Variants in THADA observed in about 807,000 individuals in gnomAD.
THADA encodes tRNA (32-2'-O)-methyltransferase regulator THADA.
THADA carries 213 observed loss-of-function variants against 219.8 expected under a neutral mutation model. The ratio of observed to expected loss-of-function variants is 0.97; its 90% confidence interval spans 0.87 to 1.09. The LOEUF (loss-of-function observed/expected upper bound fraction) is 1.09, where lower values mean the gene tolerates loss of function less well. Among genes scored for constraint, THADA ranks in the 50% least tolerant of loss-of-function variants. The probability of loss-of-function intolerance (pLI) is 0.00; values close to 1 mark genes in which losing one functional copy is unlikely to be tolerated. For synonymous variants in THADA, 1,018 were observed against 828.9 expected (o/e 1.23, Z -3.92); for missense variants, 2,956 against 2,311.3 (o/e 1.28, Z -5.72).
At chr2:43,302,291 C>T (rs1301316064) in intron 31 of THADA, among the ~76,000 whole-genome samples, 1 of 152,052 alleles carries the variant, frequency 6.6e-6, no homozygotes, top group Non-Finnish European at 1.5e-5. Context: ...TCGTACTTTT[C>T]CTAAGTTAGA....
chr2:43,278,240 C>T (rs1558506598), intron 36 of THADA, among the ~76,000 whole-genome samples: 1 of 152,152 alleles, frequency 6.6e-6, no homozygotes, highest in Admixed American at 6.6e-5. Context: ...CGTGAGATTA[C>T]TGCGCCTGGC....
At chr2:43,258,236 T>C (rs1045379610) in intron 36 of THADA, among the ~76,000 whole-genome samples, 2 of 152,200 alleles carry the variant, frequency 1.3e-5, no homozygotes, top group Non-Finnish European at 2.9e-5. Context: ...AAAATATTAT[T>C]TGTTGGCCAG....
intron 29 of THADA, among the ~76,000 whole-genome samples, chr2:43,354,690 A>T (rs1393126354): frequency 6.6e-6 from 1 of 152,140 alleles, no homozygotes; most frequent in East Asian, 1.9e-4. Flanking sequence ...TCAGGATCTC[A>T]TTCTTTTTTA....
intron 31 of THADA, among the ~76,000 whole-genome samples, chr2:43,311,177 A>G (rs75537641): frequency 3.4e-5 from 5 of 145,910 alleles, no homozygotes; most frequent in African/African-American, 1.2e-4. Context: ...ACTCCGTCTC[A>G]AAAAAAAAAA....
intron 28 of THADA, among the ~76,000 whole-genome samples, chr2:43,414,998 A>G (rs1266846705): frequency 6.6e-6 from 1 of 152,204 alleles, no homozygotes; most frequent in Non-Finnish European, 1.5e-5. Context: ...ATGAGAGCAA[A>G]TTCTAATGGG....
chr2:43,310,235 C>G (rs111851482), intron 31 of THADA, among the ~76,000 whole-genome samples: 10 of 126,564 alleles, frequency 7.9e-5, no homozygotes, highest in African/African-American at 2.0e-4. Flanking sequence ...CGCCCCCCCC[C>G]CAAACAAGCT....
At chr2:43,510,023 C>A (rs1196236733) in intron 22 of THADA, among the ~76,000 whole-genome samples, 1 of 152,118 alleles carries the variant, frequency 6.6e-6, no homozygotes, top group Non-Finnish European at 1.5e-5. Context: ...AGTGTGTGAA[C>A]CTTGCTTAGA....
chr2:43,552,311 C>G lies in THADA; in HGVS notation c.2703G>C (p.Glu901Asp). The G allele has an allele frequency of 6.3e-7, 1 of 1,599,242 alleles. No individual in the cohort carries two copies. The highest frequency in any genetic ancestry group is 8.5e-7 in the Non-Finnish European group (1 of 1,176,016). The part of the protein sequence containing the change: ...MVIKCLMENL[E>D]EEVSQAENSL... ...AATTTTCAGCCTGAGATACTTCTTC[C>G]TCAAGATTTTCCATCAAGCATTTGA... Residue 901 changes from glutamate (E) to aspartate (D), a missense_variant, in exon 18 of 38, where the codon GAG (glutamate) becomes GAC (aspartate). Physicochemically the swap from Glu to Asp is conservative, Grantham distance 45. Coordinates refer to ENST00000405975, the MANE Select transcript of THADA (RefSeq NM_022065.5).
At chr2:43,578,417 G>C (rs1700080204) in intron 9 of THADA, 96 bp downstream of exon 9, 2 of 856,124 alleles carry the variant, frequency 2.3e-6, no homozygotes, top group East Asian at 2.8e-5. Flanking sequence ...AAAGTGTTGG[G>C]ATTATAAGTG....
chr2:43,432,772 G>A (rs779080344), intron 26 of THADA, among the ~76,000 whole-genome samples: 2 of 152,038 alleles, frequency 1.3e-5, no homozygotes, highest in African/African-American at 4.8e-5. Flanking sequence ...TTTCCTTGAC[G>A]ACTAATGACG....
At chr2:43,351,561 T>C (rs568883156) in intron 29 of THADA, among the ~76,000 whole-genome samples, 1 of 152,368 alleles carries the variant, frequency 6.6e-6, no homozygotes, top group Non-Finnish European at 1.5e-5. Flanking sequence ...TCCTTTAATT[T>C]GATGATTTTA....
intron 8 of THADA, among the ~76,000 whole-genome samples, chr2:43,580,380 T>C (rs1700306188): frequency 1.3e-5 from 2 of 151,218 alleles, no homozygotes; most frequent in East Asian, 3.9e-4. Context: ...CTACATTTCA[T>C]TAGTTAGAGA....
intron 26 of THADA, among the ~76,000 whole-genome samples, chr2:43,433,372 A>G (rs928160179): frequency 6.6e-6 from 1 of 152,080 alleles, no homozygotes; most frequent in Non-Finnish European, 1.5e-5. Flanking sequence ...TACTAAAAAT[A>G]TATAAAATTA....
chr2:43,276,390 A>T (rs1672729149), intron 36 of THADA, among the ~76,000 whole-genome samples: 1 of 152,204 alleles, frequency 6.6e-6, no homozygotes, highest in African/African-American at 2.4e-5. Flanking sequence ...CAGGCAAAAA[A>T]GGTGAATAAG....
Position 43,514,797 on chromosome 2 carries a change from C to T in THADA, c.3375-6017G>A, listed in dbSNP as rs188075073. ...TATATTTTATATATAATAATATGTA[C>T]AATATATATTTTATATATAATAATA... On this transcript the variant is annotated intron_variant, in intron 22 of 37. Coordinates refer to ENST00000405975, the MANE Select transcript of THADA (RefSeq NM_022065.5). Among the ~76,000 whole-genome samples the T allele has an allele frequency of 8.5e-4, 50 of 58,910 alleles. 2 individuals carry two copies. Among genetic ancestry groups the T allele is most frequent in the African/African-American group, 3.2e-3 (38 of 11,774 alleles). 38.6% of individuals were successfully genotyped at this position (58,910 alleles called of 152,430 possible).
chr2:43,497,800 A>C (rs1688460358), intron 25 of THADA, among the ~76,000 whole-genome samples: 1 of 152,036 alleles, frequency 6.6e-6, no homozygotes, highest in African/African-American at 2.4e-5. Flanking sequence ...CAAAAGAATC[A>C]CTTGAACCCA....
chr2:43,589,877 G>C (rs965889620), intron 4 of THADA, among the ~76,000 whole-genome samples: 3 of 151,686 alleles, frequency 2.0e-5, no homozygotes, highest in Non-Finnish European at 2.9e-5. Flanking sequence ...AAAAGGTTAA[G>C]ACTGAGTTTT....
At chr2:43,566,878 C>A (rs1188328086) in intron 14 of THADA, 57 bp from the exon 15 acceptor site, 2 of 1,285,108 alleles carry the variant, frequency 1.6e-6, no homozygotes, top group East Asian at 5.3e-5. Context: ...AGGTTATATT[C>A]AGAGTATTAA....
At chr2:43,571,090 TA>T (rs957066784) in intron 13 of THADA, among the ~76,000 whole-genome samples, 4 of 151,210 alleles carry the variant, frequency 2.6e-5, no homozygotes, top group Admixed American at 1.3e-4. Context: ...ACACTATCTC[TA>T]AAAAAAAATT....
Sources: gnomAD v4.1 joint callset for allele counts (sites outside exome capture counted in the v4.1 genomes callset) on GRCh38, gnomAD v4.1.1 for gene constraint, MANE v1.5 for transcripts, NCBI Gene and HGNC (gene_info 2026-07-23, HGNC 2026-07-21) for gene names.